The following SMARCA2 variants were observed in gnomAD, a reference collection of about 807,000 sequenced individuals.
The protein encoded by SMARCA2 is SWI/SNF-related matrix-associated actin-dependent regulator of chromatin subfamily A member 2.
In SMARCA2, 61 loss-of-function variants were observed where a neutral mutation model predicts 199.8. That is an observed-to-expected ratio of 0.31 (90% confidence interval 0.25 to 0.38). SMARCA2 has a LOEUF of 0.38. SMARCA2 is among the 10% of genes least tolerant of loss of function. The probability of loss-of-function intolerance (pLI) is 1.00; values close to 1 mark genes in which losing one functional copy is unlikely to be tolerated. For missense variants in SMARCA2, 1,344 were observed against 2,012.2 expected, an observed-to-expected ratio of 0.67 and a Z score of 6.35; for synonymous variants, 935 against 732.0, an observed-to-expected ratio of 1.28 and a Z score of -4.48.
chr9:2,175,831 T>C (rs558034891), intron 29 of SMARCA2, among the ~76,000 whole-genome samples: 20 of 152,272 alleles, frequency 1.3e-4, no homozygotes, highest in African/African-American at 3.9e-4. Context: ...AGGTTGAAGT[T>C]GTACTGCACT....
intron 4 of SMARCA2, among the ~76,000 whole-genome samples, chr9:2,046,313 G>A (rs909630352): frequency 1.3e-5 from 2 of 152,106 alleles, no homozygotes; most frequent in African/African-American, 4.8e-5. Flanking sequence ...AGTTCAATGC[G>A]GAAAATTATT....
At chr9:2,037,757 G>A (rs2130236040) in intron 3 of SMARCA2, among the ~76,000 whole-genome samples, 1 of 152,366 alleles carries the variant, frequency 6.6e-6, no homozygotes, top group African/African-American at 2.4e-5. Flanking sequence ...TTAAAGGGCA[G>A]AGACTTTTCA....
At chr9:2,160,810 TTC>T (rs1183938538) in intron 27 of SMARCA2, 8 of 425,194 alleles carry the variant, frequency 1.9e-5, no homozygotes, top group African/African-American at 1.4e-4. Flanking sequence ...AAATTTTATG[TTC>T]TTTTTTTTTT....
Position 2,077,698 on chromosome 9 carries a change from C to T in SMARCA2, c.2106C>T (p.Tyr702=). The stretch of plus-strand genomic sequence containing the variant: ...GTGCCAGGGGCTCCCAGTCCTACTA[C>T]ACCGTGGCTCATGCCATCTCGGAGA... ...QYSARGSQSY[Y]TVAHAISERV... The change falls in exon 14 of 34, where the codon TAC becomes TAT. Residue 702 remains tyrosine, a synonymous_variant. Transcript: ENST00000349721. 2 of 1,613,926 alleles carry T rather than the reference C, an allele frequency of 1.2e-6. No individual in the cohort carries two copies. The highest frequency in any genetic ancestry group is 2.2e-5 in the East Asian group (1 of 44,870).
At chr9:2,178,934 G>A (rs1336694499) in intron 29 of SMARCA2, among the ~76,000 whole-genome samples, 2 of 152,346 alleles carry the variant, frequency 1.3e-5, no homozygotes, top group East Asian at 1.9e-4. Flanking sequence ...GTAGGGAGGA[G>A]AGAAACAATA....
intron 24 of SMARCA2, among the ~76,000 whole-genome samples, chr9:2,114,374 A>C (rs1318564437): frequency 6.6e-6 from 1 of 152,180 alleles, no homozygotes; most frequent in Admixed American, 6.5e-5. Context: ...CTGCAGCAAA[A>C]ACAAATCTCC....
intron 27 of SMARCA2, among the ~76,000 whole-genome samples, chr9:2,134,561 A>C (rs1356522165): frequency 6.6e-6 from 1 of 152,190 alleles, no homozygotes; most frequent in East Asian, 1.9e-4. Flanking sequence ...GCCTGCAGGA[A>C]AAACAATGGG....
intron 23 of SMARCA2, among the ~76,000 whole-genome samples, chr9:2,109,912 G>A (rs574530209): frequency 4.0e-4 from 61 of 152,306 alleles, no homozygotes; most frequent in Middle Eastern, 3.4e-3. Flanking sequence ...GAGACAGGGC[G>A]AGAGAGGAAG....
intron 3 of SMARCA2, among the ~76,000 whole-genome samples, chr9:2,034,242 CAAAAAAAAAAA>C (rs759792374): frequency 4.7e-5 from 3 of 64,134 alleles, no homozygotes; most frequent in African/African-American, 1.7e-4. Context: ...GACTGCGTCT[CAAAAAAAAAAA>C]AAAAAAAAAA....
chr9:2,130,720 T>TAC (rs1017360437), intron 27 of SMARCA2, among the ~76,000 whole-genome samples: 6 of 152,156 alleles, frequency 3.9e-5, no homozygotes, highest in Non-Finnish European at 7.3e-5. Context: ...CATATATATA[T>TAC]ACACACACAT....
At chr9:2,189,954 T>G (rs985808655) in intron 32 of SMARCA2, among the ~76,000 whole-genome samples, 1 of 152,210 alleles carries the variant, frequency 6.6e-6, no homozygotes, top group Non-Finnish European at 1.5e-5. Flanking sequence ...TATGACAACA[T>G]CTATTTCTAG....
At chr9:2,141,985 C>T (rs552349344) in intron 27 of SMARCA2, among the ~76,000 whole-genome samples, 3 of 152,238 alleles carry the variant, frequency 2.0e-5, no homozygotes, top group East Asian at 1.9e-4. Context: ...ATGAGACCTG[C>T]CCGTGAAGGC....
At chr9:2,181,012 T>C (rs1422490385) in intron 29 of SMARCA2, among the ~76,000 whole-genome samples, 1 of 152,082 alleles carries the variant, frequency 6.6e-6, no homozygotes, top group Non-Finnish European at 1.5e-5. Flanking sequence ...GTTTACAGTA[T>C]GTAAAATACC....
chr9:2,020,133 A>C (rs182885014), intron 1 of SMARCA2, among the ~76,000 whole-genome samples: 3 of 152,178 alleles, frequency 2.0e-5, no homozygotes, highest in Non-Finnish European at 2.9e-5. Context: ...AAACTATATG[A>C]GTTACATTTC....
Position 2,152,534 on chromosome 9 carries a change from C to T in SMARCA2, c.3982-9152C>T, listed in dbSNP as rs28442150. Among the ~76,000 whole-genome samples the T allele has an allele frequency of 5.3e-3, 799 of 152,062 alleles. 6 individuals are homozygous for T. Among genetic ancestry groups the T allele is most frequent in the African/African-American group, 0.018 (739 of 41,448 alleles). On this transcript the variant is annotated intron_variant, in intron 27 of 33. Transcript: ENST00000349721. ...TACCGCTGCACTCCAGCCTGGGCAA[C>T]AGAGCGAGACTCCATCTCAAAAATT...
At chr9:2,164,794 G>C (rs1422470760) in intron 28 of SMARCA2, among the ~76,000 whole-genome samples, 2 of 151,858 alleles carry the variant, frequency 1.3e-5, no homozygotes, top group Non-Finnish European at 2.9e-5. Flanking sequence ...TGTTTTATTT[G>C]CTTACTTACT....
At chr9:2,036,813 G>A (rs901039518) in intron 3 of SMARCA2, among the ~76,000 whole-genome samples, 1 of 151,980 alleles carries the variant, frequency 6.6e-6, no homozygotes, top group African/African-American at 2.4e-5. Context: ...GAATTCTTAT[G>A]TTTAATGTAA....
At chr9:2,126,916 T>C (rs1211966254) in intron 27 of SMARCA2, among the ~76,000 whole-genome samples, 5 of 152,240 alleles carry the variant, frequency 3.3e-5, no homozygotes, top group Non-Finnish European at 5.9e-5. Flanking sequence ...CTTCTTTCCT[T>C]GTAGCTTCTC....
intron 5 of SMARCA2, among the ~76,000 whole-genome samples, chr9:2,048,900 A>G (rs1391526899): frequency 6.6e-6 from 1 of 152,228 alleles, no homozygotes; most frequent in East Asian, 1.9e-4. Context: ...AATGTGCAGT[A>G]CATTCTGTAT....
Sources: allele counts gnomAD v4.1 joint callset (sites outside exome capture counted in the v4.1 genomes callset), GRCh38; gene constraint gnomAD v4.1.1; transcripts MANE v1.5; gene names NCBI Gene and HGNC (gene_info 2026-07-23, HGNC 2026-07-21).